CCDC152: variants seen among roughly 807,000 people sequenced by gnomAD.
CCDC152 encodes coiled-coil domain containing 152, also known as coiled-coil domain-containing protein 152.
Under a neutral mutation model 38.1 loss-of-function variants are expected in CCDC152, and 37 were observed. The ratio of observed to expected loss-of-function variants is 0.97; its 90% CI spans 0.75 to 1.28. The LOEUF (loss-of-function observed/expected upper bound fraction) is 1.28, where lower values mean the gene tolerates loss of function less well. Ranked by LOEUF, CCDC152 falls within the 50% of genes most tolerant of loss-of-function variation. The pLI, the probability that CCDC152 is intolerant of heterozygous loss-of-function variation, is 0.00. For missense variants in CCDC152, 259 were observed against 292.1 expected (o/e 0.89, Z 0.83); for synonymous variants, 83 against 87.1 (o/e 0.95, Z 0.26).
rs747124068 is a variant in CCDC152 at position 42,800,843 on chromosome 5, T to G, written c.*1062T>G. ...CTGGAGGCAAACGTCACTGACAAGA[T>G]TCAGTTATGTTCTCCTCTGCCCGAA... On this transcript the variant is annotated 3_prime_UTR_variant, in exon 9 of 9. Transcript: ENST00000361970. 1 of 1,614,192 alleles carries G rather than the reference T, an allele frequency of 6.2e-7. No individual in the cohort carries two copies. Among genetic ancestry groups the G allele is most frequent in the South Asian group, 1.1e-5 (1 of 91,082 alleles).
chr5:42,783,036 A>G (rs1759869754), intron 5 of CCDC152, among the ~76,000 whole-genome samples: 2 of 151,550 alleles, frequency 1.3e-5, no homozygotes, highest in Non-Finnish European at 2.9e-5. Context: ...CGCCCAGCTA[A>G]TTTTTTTGTA....
rs774491003 is a variant in CCDC152, at chr5:42,767,377, G to T, written c.194-2220G>T. 5.3e-5 allele frequency among the ~76,000 whole-genome samples: 8 copies of T among 151,946 alleles called. No homozygotes were observed. The South Asian group carries it at 1.0e-3, about 20-fold the overall frequency. On this transcript the variant is annotated intron_variant, in intron 3 of 8. Transcript: ENST00000361970. The stretch of plus-strand genomic sequence containing the variant: ...ACATGTATAATTGCTTTTAATATTT[G>T]CAACTATTGTATGAAATACATATTA...
At chr5:42,759,358 A>T in intron 2 of CCDC152, 150 bp downstream of exon 2, 2 of 533,246 alleles carry the variant, frequency 3.8e-6, no homozygotes, top group South Asian at 3.1e-5. Flanking sequence ...TCATTTTAAA[A>T]CTCCATGTTT....
At chr5:42,791,633 T>C (rs1040006879) in intron 6 of CCDC152, among the ~76,000 whole-genome samples, 1 of 152,200 alleles carries the variant, frequency 6.6e-6, no homozygotes, top group Admixed American at 6.5e-5. Context: ...CTTTCTTTAC[T>C]ATCTGTCAGG....
intron 3 of CCDC152, among the ~76,000 whole-genome samples, chr5:42,765,297 CTTGGA>C (rs1759609729): frequency 6.6e-6 from 1 of 152,134 alleles, no homozygotes; most frequent in Non-Finnish European, 1.5e-5. Flanking sequence ...ATTCCATGTT[CTTGGA>C]TTGGAAGAAT....
At chr5:42,788,404 G>A (rs1234895340) in intron 6 of CCDC152, among the ~76,000 whole-genome samples, 1 of 151,750 alleles carries the variant, frequency 6.6e-6, no homozygotes, top group Non-Finnish European at 1.5e-5. Flanking sequence ...ATCCAATCAG[G>A]CTAACATAGT....
intron 4 of CCDC152, 64 bp from the exon 5 acceptor site, chr5:42,779,394 A>ACATATTTT: frequency 1.0e-6 from 1 of 960,510 alleles, no homozygotes; most frequent in Non-Finnish European, 1.6e-6. Context: ...AAAATGTTGA[A>ACATATTTT]CATATTTTCA....
chr5:42,799,696 T>C lies in CCDC152; in HGVS notation c.680T>C (p.Ile227Thr), dbSNP rs1425801191. The change falls in exon 9 of 9, where the codon ATT (isoleucine) becomes ACT (threonine). Residue 227 changes from isoleucine to threonine, a missense_variant. Physicochemically the swap from Ile to Thr is moderately conservative, Grantham distance 89 (BLOSUM62 -1). Coordinates refer to ENST00000361970, the MANE Select transcript of CCDC152 (RefSeq NM_001134848.2). ...QHFQEEKNKE[I>T]AILRNTIRDL... is the part of the protein sequence containing the mutation. ...TTTCAAGAAGAAAAAAACAAGGAGA[T>C]TGCAATTCTTCGTAATACCATTCGC... is the stretch of plus-strand genomic sequence containing the variant. 15 of 1,549,562 alleles carry C rather than the reference T, an allele frequency of 9.7e-6. No homozygotes were observed. Among genetic ancestry groups the C allele is most frequent in the Non-Finnish European group, 1.3e-5 (15 of 1,145,860 alleles).
intron 5 of CCDC152, among the ~76,000 whole-genome samples, chr5:42,781,404 A>ATTTTTTT (rs1263157680): frequency 6.6e-6 from 1 of 152,160 alleles, no homozygotes; most frequent in Non-Finnish European, 1.5e-5. Flanking sequence ...AATCTCTTGA[A>ATTTTTTT]CTGAGATAAT....
intron 5 of CCDC152, 26 bp downstream of exon 5, chr5:42,779,548 G>T: frequency 8.1e-7 from 1 of 1,239,888 alleles, no homozygotes; most frequent in Non-Finnish European, 1.1e-6. Flanking sequence ...ATTCTATTCA[G>T]TCAAGTCCCT....
intron 4 of CCDC152, among the ~76,000 whole-genome samples, chr5:42,772,196 A>G (rs1251667102): frequency 1.3e-5 from 2 of 152,230 alleles, no homozygotes; most frequent in Non-Finnish European, 2.9e-5. Context: ...CAATAGATAC[A>G]GAAAAAACAT....
Position 42,768,284 on chromosome 5 carries a change from A to G in CCDC152, c.194-1313A>G, listed in dbSNP as rs192188860. 7.4e-4 allele frequency among the ~76,000 whole-genome samples: 112 copies of G among 152,298 alleles called. 1 individual carries two copies. The highest frequency in any genetic ancestry group is 1.3e-3 in the Non-Finnish European group (90 of 68,020). On this transcript the variant is annotated intron_variant, in intron 3 of 8. Coordinates refer to ENST00000361970, the MANE Select transcript of CCDC152 (RefSeq NM_001134848.2). ...CCCTTATCTGCTTCAGCTTACTGTG[A>G]TATTACCTATCAACCCAATAATCAC...
At chr5:42,770,827 CCTT>C (rs971391996) in intron 4 of CCDC152, among the ~76,000 whole-genome samples, 9 of 152,184 alleles carry the variant, frequency 5.9e-5, no homozygotes, top group South Asian at 2.1e-4. Context: ...AAGATTCTCA[CCTT>C]CTTTGGTGTA....
chr5:42,771,941 G>A (rs984648943), intron 4 of CCDC152, among the ~76,000 whole-genome samples: 1 of 152,104 alleles, frequency 6.6e-6, no homozygotes, highest in African/African-American at 2.4e-5. Context: ...ACCAAAATCA[G>A]ACAAAGACAC....
rs749344352 is a variant in CCDC152 at position 42,801,007 on chromosome 5, AGAGTAATT to A, written c.*1229_*1236del. On this transcript the variant is annotated 3_prime_UTR_variant, in exon 9 of 9. Coordinates refer to ENST00000361970, the MANE Select transcript of CCDC152 (RefSeq NM_001134848.2). The stretch of plus-strand genomic sequence containing the variant: ...AACTCTGAATCTGTGGGCAATTTAC[AGAGTAATT>A]GATTTATACATCTCTTTCGACAGAG... 1.2e-6 allele frequency: 2 copies of A among 1,614,204 alleles called. No individual in the cohort carries two copies. The highest frequency in any genetic ancestry group is 8.5e-7 in the Non-Finnish European group (1 of 1,180,002).
Position 42,769,616 on chromosome 5 carries a change from T to C in CCDC152, c.213T>C (p.Asn71=). 2.0e-6 allele frequency: 3 copies of C among 1,492,112 alleles called. No homozygotes were observed. The highest frequency in any genetic ancestry group is 1.3e-5 in the South Asian group (1 of 74,264). The allele number at this position is 1,492,112 out of a possible 1,614,324, so 92.4% of individuals were successfully genotyped here. A position where few individuals can be genotyped will look rare whatever the true frequency, so the allele number is the denominator to read the frequency against. The part of the protein sequence containing the change: ...SIKEECATLH[N]IIKGLQQTIE... ...TTTCAGAATGTGCTACTCTTCATAA[T>C]ATAATAAAAGGGCTACAACAGACCA... Residue 71 remains asparagine (N), a synonymous_variant, in exon 4 of 9, where the codon AAT becomes AAC. Transcript: ENST00000361970.
intron 6 of CCDC152, among the ~76,000 whole-genome samples, chr5:42,796,157 G>A (rs1463098687): frequency 1.3e-5 from 2 of 151,704 alleles, no homozygotes; most frequent in Non-Finnish European, 2.9e-5. Flanking sequence ...CGAGTTAATG[G>A]GTGCAGCACA....
At chr5:42,774,053 C>T (rs1759735396) in intron 4 of CCDC152, among the ~76,000 whole-genome samples, 3 of 152,134 alleles carry the variant, frequency 2.0e-5, no homozygotes, top group Non-Finnish European at 2.9e-5. Flanking sequence ...ATTGAGCAAA[C>T]TGAAAAATCA....
chr5:42,762,068 T>C (rs1037876709), intron 2 of CCDC152, among the ~76,000 whole-genome samples: 15 of 152,226 alleles, frequency 9.9e-5, no homozygotes, highest in African/African-American at 3.4e-4. Flanking sequence ...ACCTAGGCTT[T>C]ATGGTATAGC....
Sources: allele counts gnomAD v4.1 joint callset (sites outside exome capture counted in the v4.1 genomes callset), GRCh38; gene constraint gnomAD v4.1.1; transcripts MANE v1.5; gene names NCBI Gene and HGNC (gene_info 2026-07-23, HGNC 2026-07-21).